LYPD8: variants seen among roughly 807,000 people sequenced by gnomAD.
LYPD8 encodes ly6/PLAUR domain-containing protein 8.
In LYPD8, 8 loss-of-function variants were observed where a neutral mutation model predicts 1.7. The observed-to-expected ratio is 4.58, with a 90% CI of 2.69 to 8.27. The LOEUF (loss-of-function observed/expected upper bound fraction) is 8.27, where lower values mean the gene tolerates loss of function less well. Among genes scored for constraint, LYPD8 ranks in the 30% most tolerant of loss-of-function variants. The probability of loss-of-function intolerance (pLI) is 0.00; values close to 1 mark genes in which losing one functional copy is unlikely to be tolerated. For synonymous variants in LYPD8, 50 were observed against 43.6 expected, an observed-to-expected ratio of 1.15 and a Z score of -0.58; for missense variants, 112 against 102.3, an observed-to-expected ratio of 1.09 and a Z score of -0.41.
intron 6 of LYPD8, among the ~76,000 whole-genome samples, chr1:248,741,088 C>T (rs569961533): frequency 1.3e-5 from 2 of 152,228 alleles, no homozygotes; most frequent in South Asian, 2.1e-4. Flanking sequence ...CATTCCGGCC[C>T]GGGCGACAGA....
At position 248,739,500 on chromosome 1, in the gene LYPD8, TG is replaced by T; in HGVS notation, c.*110del. ...CTGGAGACCTGTGACTCCCACTTAC[TG>T]GGCAGTTAAACGGGGCAGAGCAGGG... On this transcript the variant is annotated 3_prime_UTR_variant, in exon 7 of 7. Transcript: ENST00000590317. The surrounding 1 kb of genome is among the most constrained non-coding windows in gnomAD (Gnocchi z 4.3). 1 of 1,437,010 alleles carries T rather than the reference TG, an allele frequency of 7.0e-7. No individual in the cohort carries two copies. The highest frequency in any genetic ancestry group is 9.4e-7 in the Non-Finnish European group (1 of 1,065,856). 89.0% of individuals were successfully genotyped at this position (1,437,010 alleles called of 1,614,324 possible). A position where few individuals can be genotyped will look rare whatever the true frequency, so the allele number is the denominator to read the frequency against.
At chr1:248,752,208 T>C (rs932624500) in intron 2 of LYPD8, among the ~76,000 whole-genome samples, 5,477 of 152,082 alleles carry the variant, frequency 0.036, 292 homozygotes, top group African/African-American at 0.11. Flanking sequence ...TTGGCTGCTG[T>C]ATTGGCCAAC....
Position 248,748,341 on chromosome 1 carries a change from A to G in LYPD8, c.285T>C (p.Phe95=), listed in dbSNP as rs1662745380. 6.4e-6 allele frequency: 3 copies of G among 465,882 alleles called. No individual in the cohort carries two copies. The highest frequency in any genetic ancestry group is 7.1e-5 in the East Asian group (2 of 28,306). The allele number at this position is 465,882 out of a possible 1,614,324, so 28.9% of individuals were successfully genotyped here. Residue 95 remains phenylalanine, a synonymous_variant, in exon 5 of 7, where the codon TTT becomes TTC. Transcript: ENST00000590317. ...VHVSAEEHFH[F]VSQCCQGKEC... ...CCTTTCCTTGGCAGCACTGGCTTAC[A>G]AAATGAAAGTGTTCTTCAGCAGACA... is the stretch of plus-strand genomic sequence containing the variant.
In LYPD8 at chr1:248,739,742, T is replaced by C; in HGVS notation, c.583A>G (p.Lys195Glu). ...CTGTTTACATTTGCACACTCAAACT[T>C]TCGAAAGATGACTCCTCCAAGAGTC... Reference protein sequence around the residue: ...NKTLGGVIFRKFECANVNSLT... With the variant: ...NKTLGGVIFREFECANVNSLT... Residue 195 changes from lysine to glutamate, a missense_variant, in exon 7 of 7, where the codon AAG becomes GAG. Coordinates refer to ENST00000590317, the MANE Select transcript of LYPD8 (RefSeq NM_001085474.2). The surrounding 1 kb of genome is among the most constrained non-coding windows in gnomAD (Gnocchi z 4.3). 6.4e-7 allele frequency: 1 copy of C among 1,551,606 alleles called. No homozygotes were observed. Among genetic ancestry groups the C allele is most frequent in the Non-Finnish European group, 8.7e-7 (1 of 1,146,970 alleles).
At chr1:248,753,374 C>G (rs1244128093) in intron 2 of LYPD8, among the ~76,000 whole-genome samples, 1 of 112,892 alleles carries the variant, frequency 8.9e-6, no homozygotes, top group East Asian at 3.0e-4. Context: ...CACATACACA[C>G]CACACACCAC....
At chr1:248,743,138 GA>G (rs142657215) in intron 6 of LYPD8, among the ~76,000 whole-genome samples, 8,320 of 151,870 alleles carry the variant, frequency 0.055, 755 homozygotes, top group African/African-American at 0.19. Flanking sequence ...AAACTACTCT[GA>G]AAAAAAATGT....
At chr1:248,753,338 C>CCA (rs1662861966) in intron 2 of LYPD8, among the ~76,000 whole-genome samples, 2 of 120,006 alleles carry the variant, frequency 1.7e-5, no homozygotes, top group African/African-American at 3.3e-5. Flanking sequence ...ATCACACACA[C>CCA]CACACACACC....
intron 6 of LYPD8, among the ~76,000 whole-genome samples, chr1:248,742,914 G>GC (rs1553283655): frequency 8.9e-6 from 1 of 112,574 alleles, no homozygotes; most frequent in Non-Finnish European, 1.7e-5. Context: ...GATGTTGGCA[G>GC]CGGGGGAGAT....
At chr1:248,752,264 G>C (rs1194637272) in intron 2 of LYPD8, among the ~76,000 whole-genome samples, 3 of 151,976 alleles carry the variant, frequency 2.0e-5, no homozygotes, top group Non-Finnish European at 2.9e-5. Flanking sequence ...CCAGTGGACA[G>C]TACTGTACGG....
chr1:248,750,605 A>G lies in LYPD8; in HGVS notation c.91T>C (p.Ser31Pro), dbSNP rs898250553. Residue 31 changes from serine to proline, a missense_variant, in exon 4 of 7, where the codon TCC becomes CCC. Transcript: ENST00000590317. ...SCVQCNSWEKSCVNSIASECP... is the reference protein window; with the variant it reads ...SCVQCNSWEKPCVNSIASECP... ...TCAGAGGCAATGCTGTTGACACAGG[A>G]TTTTTCCCATGAATTACACTGCACG... The G allele has an allele frequency of 2.3e-5, 9 of 398,444 alleles. No individual in the cohort carries two copies. Among genetic ancestry groups the G allele is most frequent in the Admixed American group, 4.4e-5 (1 of 22,700 alleles). The allele number at this position is 398,444 out of a possible 1,614,324, so 24.7% of individuals were successfully genotyped here.
chr1:248,752,290 C>T, intron 2 of LYPD8, among the ~76,000 whole-genome samples: 1 of 151,868 alleles, frequency 6.6e-6, no homozygotes, highest in Non-Finnish European at 1.5e-5. Context: ...GCTATTAGCC[C>T]CACTCTACAG....
chr1:248,755,688 C>G lies in LYPD8; in HGVS notation c.-198+17G>C, dbSNP rs970252424. The G allele has an allele frequency of 1.3e-5, 2 of 152,352 alleles. No homozygotes were observed. Among genetic ancestry groups the G allele is most frequent in the Non-Finnish European group, 2.9e-5 (2 of 68,138 alleles). 9.4% of individuals were successfully genotyped at this position (152,352 alleles called of 1,614,324 possible). A position where few individuals can be genotyped will look rare whatever the true frequency, so the allele number is the denominator to read the frequency against. On this transcript the variant is annotated intron_variant, in intron 1 of 6. Transcript: ENST00000590317. ...GCTTCTCCCAGGGCTCAGGCCCCGG[C>G]CTCGCAGTCCTCTCACCTTCTGGAT...
At chr1:248,750,861 A>G (rs986662603) in intron 3 of LYPD8, among the ~76,000 whole-genome samples, 169 bp downstream of exon 3, 17 of 152,176 alleles carry the variant, frequency 1.1e-4, no homozygotes, top group Admixed American at 4.6e-4. Flanking sequence ...CCAACCTTCA[A>G]CAACAATACA....
intron 4 of LYPD8, 29 bp from the exon 5 acceptor site, chr1:248,748,482 C>A (rs1329491121): frequency 2.5e-6 from 1 of 400,670 alleles, no homozygotes. Context: ...AGACTGTCAG[C>A]CCCTGGTAAG....
chr1:248,749,714 G>A (rs1662764502), intron 4 of LYPD8, among the ~76,000 whole-genome samples: 1 of 152,022 alleles, frequency 6.6e-6, no homozygotes, highest in Non-Finnish European at 1.5e-5. Flanking sequence ...CCATCACGGT[G>A]GCAATTAAGT....
intron 6 of LYPD8, among the ~76,000 whole-genome samples, chr1:248,740,900 G>A (rs1268632248): frequency 6.6e-6 from 1 of 152,256 alleles, no homozygotes; most frequent in African/African-American, 2.4e-5. Context: ...AGGCTGAGGT[G>A]AGAGGATTGC....
chr1:248,750,118 A>C (rs1662773626), intron 4 of LYPD8, among the ~76,000 whole-genome samples: 1 of 152,174 alleles, frequency 6.6e-6, no homozygotes, highest in African/African-American at 2.4e-5. Flanking sequence ...GTTACTCAAA[A>C]CGCCCTGTGG....
At position 248,750,518 on chromosome 1, in the gene LYPD8, G is replaced by A; in HGVS notation, c.172+6C>T. 2.5e-6 allele frequency: 1 copy of A among 398,628 alleles called. No individual in the cohort carries two copies. The highest frequency in any genetic ancestry group is 2.1e-5 in the African/African-American group (1 of 48,736). The allele number at this position is 398,628 out of a possible 1,614,324, so 24.7% of individuals were successfully genotyped here. ...AGGCAGGAAGGACACACACACCCAGGCTCACCTAGAGAGGAGCTGGCTGAG... is the reference window on the plus strand; with the variant it reads ...AGGCAGGAAGGACACACACACCCAGACTCACCTAGAGAGGAGCTGGCTGAG... On this transcript the variant is annotated splice_donor_region_variant and intron_variant, in intron 4 of 6. Transcript: ENST00000590317.
At chr1:248,754,396 G>A (rs1346596394) in intron 2 of LYPD8, among the ~76,000 whole-genome samples, 1 of 147,812 alleles carries the variant, frequency 6.8e-6, no homozygotes, top group African/African-American at 2.5e-5. Context: ...CACATCACCT[G>A]TCACACACAT....
Sources: allele counts gnomAD v4.1 joint callset (sites outside exome capture counted in the v4.1 genomes callset), GRCh38; gene constraint gnomAD v4.1.1; non-coding constraint Gnocchi (gnomAD v3.1); transcripts MANE v1.5; gene names NCBI Gene and HGNC (gene_info 2026-07-23, HGNC 2026-07-21).